Variants in KIRREL3 observed in about 807,000 individuals in gnomAD.
KIRREL3 encodes the protein kin of IRRE-like protein 3.
Under a neutral mutation model 89.7 loss-of-function variants are expected in KIRREL3, and 36 were observed. The ratio of observed to expected loss-of-function variants is 0.40; its 90% confidence interval spans 0.31 to 0.53. KIRREL3 has a LOEUF of 0.53. Ranked by LOEUF, KIRREL3 falls within the 20% of genes least tolerant of loss-of-function variation. KIRREL3 has a pLI of 0.49. For synonymous variants in KIRREL3, 445 were observed against 441.4 expected, an observed-to-expected ratio of 1.01 and a Z score of -0.10; for missense variants, 864 against 1,056.6, an observed-to-expected ratio of 0.82 and a Z score of 2.53.
At chr11:126,787,210 A>T (rs1950511718) in intron 1 of KIRREL3, among the ~76,000 whole-genome samples, 2 of 152,248 alleles carry the variant, frequency 1.3e-5, no homozygotes, top group Admixed American at 1.3e-4. Flanking sequence ...ATCAACCCCC[A>T]CACAGATGTA....
rs561999872 is a variant in KIRREL3, at chr11:126,906,556, C to T, written c.55+93899G>A. Among the ~76,000 whole-genome samples the T allele has an allele frequency of 2.6e-5, 4 of 152,294 alleles. No homozygotes were observed. Among genetic ancestry groups the T allele is most frequent in the African/African-American group, 7.2e-5 (3 of 41,570 alleles). ...AGCAGAGAAGTGGATAGGGACCCCC[C>T]TGCCATGAAAAACAGCGTTGTTTTT... On this transcript the variant is annotated intron_variant, in intron 1 of 16. Coordinates refer to ENST00000525144, the MANE Select transcript of KIRREL3 (RefSeq NM_032531.4). The surrounding 1 kb of genome is among the most constrained non-coding windows in gnomAD (Gnocchi z 4.1).
rs1945598078 is a variant in KIRREL3, at chr11:126,883,788, T to C, written c.55+116667A>G. Among the ~76,000 whole-genome samples the C allele has an allele frequency of 6.6e-6, 1 of 152,164 alleles. No homozygotes were observed. Among genetic ancestry groups the C allele is most frequent in the Non-Finnish European group, 1.5e-5 (1 of 68,032 alleles). On this transcript the variant is annotated intron_variant, in intron 1 of 16. Transcript: ENST00000525144. This position sits in a 1 kb window ranked among gnomAD's most constrained non-coding sequence, Gnocchi z 4.1. ...AAAAGCTACTAAAAAAATGCTTGTT[T>C]GAAATTAAAGATCCAATGTTAGAAA...
chr11:126,668,076 A>T lies in KIRREL3; in HGVS notation c.56-105164T>A, dbSNP rs953911089. ...GTTGATAGCTGAGCCCCTGTGTCTT[A>T]GTCAGTTTCGGCTATAACAAAACAC... is the stretch of plus-strand genomic sequence containing the variant. On this transcript the variant is annotated intron_variant, in intron 1 of 16. Transcript: ENST00000525144. This position sits in a 1 kb window ranked among gnomAD's most constrained non-coding sequence, Gnocchi z 4.4. 2.0e-5 allele frequency among the ~76,000 whole-genome samples: 3 copies of T among 152,174 alleles called. No individual in the cohort carries two copies. Among genetic ancestry groups the T allele is most frequent in the African/African-American group, 7.2e-5 (3 of 41,446 alleles).
rs528674124 is a variant in KIRREL3 at position 126,624,483 on chromosome 11, A to G, written c.56-61571T>C. 1.3e-5 allele frequency among the ~76,000 whole-genome samples: 2 copies of G among 152,326 alleles called. No homozygotes were observed. Among genetic ancestry groups the G allele is most frequent in the Non-Finnish European group, 2.9e-5 (2 of 68,030 alleles). ...CAAGAATTTGTGGTTCATTTCTAGC[A>G]GGTGAACAAATGTATGTTTATAATG... On this transcript the variant is annotated intron_variant, in intron 1 of 16. Coordinates refer to ENST00000525144, the MANE Select transcript of KIRREL3 (RefSeq NM_032531.4). This position sits in a 1 kb window ranked among gnomAD's most constrained non-coding sequence, Gnocchi z 6.0.
rs1319065025 is a variant in KIRREL3, at chr11:126,655,977, G to A, written c.56-93065C>T. On this transcript the variant is annotated intron_variant, in intron 1 of 16. Transcript: ENST00000525144. This position sits in a 1 kb window ranked among gnomAD's most constrained non-coding sequence, Gnocchi z 5.0. ...AATCTAAAAGGTGGGTGGGGCTGAA[G>A]GAGGGGTGGGAGGAGGCCTTAGAAG... is the stretch of plus-strand genomic sequence containing the variant. 1 of 265,508 alleles carries A rather than the reference G, an allele frequency of 3.8e-6. No homozygotes were observed. The highest frequency in any genetic ancestry group is 2.2e-5 in the African/African-American group (1 of 44,604). The allele number at this position is 265,508 out of a possible 1,614,324, so 16.4% of individuals were successfully genotyped here. A position where few individuals can be genotyped will look rare whatever the true frequency, so the allele number is the denominator to read the frequency against.
intron 1 of KIRREL3, among the ~76,000 whole-genome samples, chr11:126,658,907 AG>A (rs1436094673): frequency 6.6e-6 from 1 of 152,342 alleles, no homozygotes; most frequent in African/African-American, 2.4e-5. Flanking sequence ...TGATCTTTGG[AG>A]CATGGGAAGT....
At chr11:126,919,294 T>C (rs1947174734) in intron 1 of KIRREL3, among the ~76,000 whole-genome samples, 2 of 152,134 alleles carry the variant, frequency 1.3e-5, no homozygotes, top group South Asian at 4.1e-4. Context: ...CTGGGCCCCT[T>C]GGTTAAACAC....
In KIRREL3 at chr11:126,614,987, G is replaced by C. The variant is rs768975568; in HGVS notation, c.56-52075C>G. Reference sequence around the variant, plus strand: ...ACTGGGACTGTTTAGCCTAGAAAAGGGGGGACTTGGGGAGAGGCGTGATTT... The same window carrying C: ...ACTGGGACTGTTTAGCCTAGAAAAGCGGGGACTTGGGGAGAGGCGTGATTT... On this transcript the variant is annotated intron_variant, in intron 1 of 16. Coordinates refer to ENST00000525144, the MANE Select transcript of KIRREL3 (RefSeq NM_032531.4). The surrounding 1 kb of genome is among the most constrained non-coding windows in gnomAD (Gnocchi z 4.6). Among the ~76,000 whole-genome samples, 1 of 152,116 alleles carries C rather than the reference G, an allele frequency of 6.6e-6. No individual in the cohort carries two copies. The highest frequency in any genetic ancestry group is 1.5e-5 in the Non-Finnish European group (1 of 68,028).
In KIRREL3 at chr11:126,999,961, A is replaced by G. The variant is rs1950275592; in HGVS notation, c.55+494T>C. 6.6e-6 allele frequency among the ~76,000 whole-genome samples: 1 copy of G among 152,004 alleles called. No homozygotes were observed. Among genetic ancestry groups the G allele is most frequent in the African/African-American group, 2.4e-5 (1 of 41,360 alleles). On this transcript the variant is annotated intron_variant, in intron 1 of 16. Coordinates refer to ENST00000525144, the MANE Select transcript of KIRREL3 (RefSeq NM_032531.4). This position sits in a 1 kb window ranked among gnomAD's most constrained non-coding sequence, Gnocchi z 5.7. ...CCCCACAATACATTCTGTAATTGCAACCCCCTTTTCAACGGTGCAAACCAC... is the reference window on the plus strand; with the variant it reads ...CCCCACAATACATTCTGTAATTGCAGCCCCCTTTTCAACGGTGCAAACCAC...
intron 1 of KIRREL3, among the ~76,000 whole-genome samples, chr11:126,700,210 G>T (rs1947262305): frequency 6.6e-6 from 1 of 151,328 alleles, no homozygotes; most frequent in African/African-American, 2.4e-5. Flanking sequence ...AAAAAAAAGA[G>T]AGAGAGAGAT....
rs1012638386 is a variant in KIRREL3, at chr11:126,639,453, C to A, written c.56-76541G>T. Among the ~76,000 whole-genome samples the A allele has an allele frequency of 1.3e-5, 2 of 152,144 alleles. No homozygotes were observed. The highest frequency in any genetic ancestry group is 4.8e-5 in the African/African-American group (2 of 41,428). ...TTTAATGGAACCCAATCCCTTAAGC[C>A]TTTAAAAGTAACCTCTACTGAGCTC... On this transcript the variant is annotated intron_variant, in intron 1 of 16. Transcript: ENST00000525144. This position sits in a 1 kb window ranked among gnomAD's most constrained non-coding sequence, Gnocchi z 4.3.
In KIRREL3 at chr11:126,796,398, C is replaced by A. The variant is rs1950812623; in HGVS notation, c.55+204057G>T. Among the ~76,000 whole-genome samples, 1 of 152,142 alleles carries A rather than the reference C, an allele frequency of 6.6e-6. No homozygotes were observed. The highest frequency in any genetic ancestry group is 1.5e-5 in the Non-Finnish European group (1 of 68,030). On this transcript the variant is annotated intron_variant, in intron 1 of 16. Coordinates refer to ENST00000525144, the MANE Select transcript of KIRREL3 (RefSeq NM_032531.4). This position sits in a 1 kb window ranked among gnomAD's most constrained non-coding sequence, Gnocchi z 5.1. ...AGGATCTCATTCTGCCCGTCCTGTC[C>A]CGCAGCATTGGGTGTGGAGGAAGGC... is the stretch of plus-strand genomic sequence containing the variant.
rs1002397251 is a variant in KIRREL3, at chr11:126,710,901, A to C, written c.56-147989T>G. Reference sequence around the variant, plus strand: ...ATTAAACTTTAATTAATGTCTTGACAGTAGTCTCAACCTGATAGGCCTCTT... The same window carrying C: ...ATTAAACTTTAATTAATGTCTTGACCGTAGTCTCAACCTGATAGGCCTCTT... On this transcript the variant is annotated intron_variant, in intron 1 of 16. Coordinates refer to ENST00000525144, the MANE Select transcript of KIRREL3 (RefSeq NM_032531.4). The surrounding 1 kb of genome is among the most constrained non-coding windows in gnomAD (Gnocchi z 4.2). Among the ~76,000 whole-genome samples, 3 of 152,224 alleles carry C rather than the reference A, an allele frequency of 2.0e-5. No individual in the cohort carries two copies. The highest frequency in any genetic ancestry group is 7.2e-5 in the African/African-American group (3 of 41,452).
chr11:126,831,010 G>T (rs7109025), intron 1 of KIRREL3, among the ~76,000 whole-genome samples: 2 of 152,190 alleles, frequency 1.3e-5, no homozygotes, highest in Admixed American at 1.3e-4. Context: ...GCAGTTAGGA[G>T]CATGGACTGT....
intron 15 of KIRREL3, among the ~76,000 whole-genome samples, chr11:126,425,958 G>A (rs1484444473): frequency 2.0e-5 from 3 of 152,214 alleles, no homozygotes; most frequent in Non-Finnish European, 4.4e-5. Flanking sequence ...TAGGGGAGGC[G>A]AGGGGCAGGT....
At position 126,441,954 on chromosome 11, in the gene KIRREL3, C is replaced by T. The variant is rs1239408176; in HGVS notation, c.1253-1405G>A. On this transcript the variant is annotated intron_variant, in intron 10 of 16. Coordinates refer to ENST00000525144, the MANE Select transcript of KIRREL3 (RefSeq NM_032531.4). The surrounding 1 kb of genome is among the most constrained non-coding windows in gnomAD (Gnocchi z 5.0). ...AACCGGATGGTGCTTTGTTTTATTG[C>T]TGGACTAAAACGTGATGATAATATA... Among the ~76,000 whole-genome samples the T allele has an allele frequency of 1.3e-5, 2 of 152,038 alleles. No homozygotes were observed. Among genetic ancestry groups the T allele is most frequent in the African/African-American group, 4.8e-5 (2 of 41,380 alleles).
intron 1 of KIRREL3, among the ~76,000 whole-genome samples, chr11:126,591,242 CA>C (rs1006712152): frequency 2.6e-5 from 4 of 152,170 alleles, no homozygotes; most frequent in Admixed American, 1.3e-4. Context: ...ACCTGCACCC[CA>C]AAAGTGATCT....
intron 4 of KIRREL3, among the ~76,000 whole-genome samples, chr11:126,505,214 A>G (rs1289427222): frequency 6.6e-6 from 1 of 152,230 alleles, no homozygotes; most frequent in African/African-American, 2.4e-5. Context: ...ATCTTTCTTC[A>G]CAGACAAAAT....
rs909061200 is a variant in KIRREL3, at chr11:126,996,156, C to A, written c.55+4299G>T. 6.6e-6 allele frequency among the ~76,000 whole-genome samples: 1 copy of A among 152,176 alleles called. No homozygotes were observed. Among genetic ancestry groups the A allele is most frequent in the Non-Finnish European group, 1.5e-5 (1 of 68,034 alleles). ...CAACAGACATGCCCCAGTTTCCCCA[C>A]CCGAAGATTTGTTAAAGAAGTGGTC... On this transcript the variant is annotated intron_variant, in intron 1 of 16. Coordinates refer to ENST00000525144, the MANE Select transcript of KIRREL3 (RefSeq NM_032531.4). The surrounding 1 kb of genome is among the most constrained non-coding windows in gnomAD (Gnocchi z 4.7).
Sources: allele counts gnomAD v4.1 joint callset (sites outside exome capture counted in the v4.1 genomes callset), GRCh38; gene constraint gnomAD v4.1.1; non-coding constraint Gnocchi (gnomAD v3.1); transcripts MANE v1.5; gene names NCBI Gene and HGNC (gene_info 2026-07-23, HGNC 2026-07-21).